Variants in ATRX observed in about 807,000 individuals in gnomAD.
The protein encoded by ATRX is ATRX chromatin remodeler, also known as chromatin remodeler ATRX.
A neutral mutation model predicts 172.6 loss-of-function variants in ATRX; 12 were observed. That is an observed-to-expected ratio of 0.07 (90% confidence interval 0.04 to 0.11). The LOEUF is 0.11. Among genes scored for constraint, ATRX ranks in the 10% least tolerant of loss-of-function variants. ATRX has a pLI of 1.00. For missense variants in ATRX, 1,368 were observed against 1,767.4 expected, an observed-to-expected ratio of 0.77 and a Z score of 4.05; for synonymous variants, 674 against 594.7, an observed-to-expected ratio of 1.13 and a Z score of -1.94.
intron 1 of ATRX, among the ~76,000 whole-genome samples, chrX:77,780,993 AG>A (rs1216385068): frequency 9.0e-6 from 1 of 111,114 alleles, no homozygotes; most frequent in Non-Finnish European, 1.9e-5. Context: ...CAAATGACAA[AG>A]CAGAAGCCTG....
intron 1 of ATRX, among the ~76,000 whole-genome samples, chrX:77,736,362 T>C (rs782465047): frequency 8.9e-6 from 1 of 111,955 alleles, no homozygotes; most frequent in South Asian, 3.7e-4. Context: ...CTCAAACAAC[T>C]CTACAGAATA....
intron 2 of ATRX, 91 bp downstream of exon 2, chrX:77,717,040 C>T (rs2073471716): frequency 5.3e-6 from 4 of 755,139 alleles, no homozygotes; most frequent in Non-Finnish European, 7.8e-6. Context: ...TTAAAAGCTG[C>T]TCTCTGAATA....
In ATRX at chrX:77,729,323, T is replaced by G. The variant is rs143909228; in HGVS notation, c.21-12080A>C. The stretch of plus-strand genomic sequence containing the variant: ...TATGAAGTATGATGACAATTATGTT[T>G]AAAATTGCATTAAAATATTGCTAAT... On this transcript the variant is annotated intron_variant, in intron 1 of 34. Transcript: ENST00000373344. Among the ~76,000 whole-genome samples, 479 of 111,501 alleles carry G rather than the reference T, an allele frequency of 4.3e-3. 2 individuals are homozygous for G. The highest frequency in any genetic ancestry group is 0.015 in the African/African-American group (453 of 30,777).
chrX:77,602,289 C>T (rs2066709233), intron 22 of ATRX, among the ~76,000 whole-genome samples: 1 of 111,474 alleles, frequency 9.0e-6, no homozygotes, highest in South Asian at 3.7e-4. Context: ...GATTAATAGG[C>T]ATGACCCACT....
intron 33 of ATRX, 108 bp downstream of exon 33, chrX:77,521,295 T>C (rs782550724): frequency 3.0e-5 from 19 of 625,872 alleles, no homozygotes; most frequent in Middle Eastern, 4.0e-4. Context: ...TATTTTACTA[T>C]TGCAAATCAA....
At chrX:77,664,245 AT>A (rs1361640613) in intron 11 of ATRX, among the ~76,000 whole-genome samples, 2 of 111,158 alleles carry the variant, frequency 1.8e-5, no homozygotes, top group Admixed American at 9.5e-5. Flanking sequence ...GTATTAAGAG[AT>A]TTTTTTTCTT....
chrX:77,777,123 G>A (rs1044067933), intron 1 of ATRX, among the ~76,000 whole-genome samples: 2 of 100,647 alleles, frequency 2.0e-5, no homozygotes, highest in Non-Finnish European at 3.9e-5. Flanking sequence ...GGAGGCCAAG[G>A]CAGGCGGATC....
chrX:77,568,113 T>C (rs1185767648), intron 28 of ATRX, among the ~76,000 whole-genome samples: 3 of 88,832 alleles, frequency 3.4e-5, no homozygotes, highest in Non-Finnish European at 6.8e-5. Flanking sequence ...CTCCAGAAAG[T>C]AGAACAAGAG....
intron 1 of ATRX, among the ~76,000 whole-genome samples, chrX:77,751,412 G>A (rs1557187544): frequency 8.9e-6 from 1 of 112,034 alleles, no homozygotes; most frequent in Non-Finnish European, 1.9e-5. Context: ...TGTAGATTCT[G>A]GATATTAGCC....
Position 77,682,451 on chromosome X carries a change from T to C in ATRX, c.2805A>G (p.Glu935=). The change falls in exon 9 of 35, where the codon GAA becomes GAG. Residue 935 remains glutamate, a synonymous_variant. Coordinates refer to ENST00000373344, the MANE Select transcript of ATRX (RefSeq NM_000489.6). ...CTTTAGTTTCAGCAACTTTTCTAAC[T>C]TCCAAAGAAGTAAAACTCTCCTCTT... The part of the protein sequence containing the change: ...SGKEESFTSL[E]VRKVAETKEK... 1.7e-6 allele frequency: 2 copies of C among 1,211,383 alleles called. No individual in the cohort carries two copies. Among genetic ancestry groups the C allele is most frequent in the Middle Eastern group, 2.3e-4 (1 of 4,352 alleles).
At chrX:77,727,915 G>C (rs1557174040) in intron 1 of ATRX, 1 of 111,834 alleles carries the variant, frequency 8.9e-6, no homozygotes, top group African/African-American at 3.2e-5. Context: ...AACAGATTAT[G>C]GCAGAAAAAC....
intron 30 of ATRX, among the ~76,000 whole-genome samples, chrX:77,528,564 C>T (rs782244069): frequency 7.1e-5 from 5 of 70,871 alleles, no homozygotes; most frequent in Admixed American, 1.8e-4. Context: ...AGTAGGGTGG[C>T]GTGATTGTTA....
chrX:77,573,489 T>G (rs1485561497), intron 28 of ATRX, among the ~76,000 whole-genome samples: 3 of 111,777 alleles, frequency 2.7e-5, no homozygotes, highest in Non-Finnish European at 5.7e-5. Context: ...TAAAACAATA[T>G]CAATACACAC....
intron 27 of ATRX, among the ~76,000 whole-genome samples, chrX:77,576,043 T>G (rs1037147513): frequency 4.5e-5 from 5 of 111,349 alleles, no homozygotes; most frequent in African/African-American, 1.6e-4. Flanking sequence ...GTAGTGGTAA[T>G]AGCAGTAACT....
chrX:77,588,069 A>G (rs2066097232), intron 27 of ATRX, among the ~76,000 whole-genome samples: 3 of 112,481 alleles, frequency 2.7e-5, no homozygotes, highest in Admixed American at 1.9e-4. Context: ...GTATTAGCAC[A>G]GCGACTGACA....
chrX:77,532,803 T>A (rs1235488398), intron 30 of ATRX, among the ~76,000 whole-genome samples: 5 of 111,944 alleles, frequency 4.5e-5, no homozygotes, highest in African/African-American at 1.6e-4. Context: ...GGGATCTAAT[T>A]AAACTAAAAA....
intron 1 of ATRX, 29 bp downstream of exon 1, chrX:77,785,953 G>A (rs1557207549): frequency 2.5e-6 from 3 of 1,184,802 alleles, no homozygotes; most frequent in African/African-American, 3.5e-5. Flanking sequence ...CCAGACCGCT[G>A]GGGCCCATGA....
chrX:77,631,310 T>C (rs1602967028), intron 19 of ATRX, among the ~76,000 whole-genome samples: 1 of 111,075 alleles, frequency 9.0e-6, no homozygotes, highest in Non-Finnish European at 1.9e-5. Flanking sequence ...TAAGAAAAGA[T>C]AATTTTTTCT....
In ATRX at chrX:77,752,546, G is replaced by A. The variant is rs1268812869; in HGVS notation, c.20+33436C>T. Among the ~76,000 whole-genome samples the A allele has an allele frequency of 1.8e-4, 20 of 111,976 alleles. 1 individual carries two copies. In the Admixed American group the frequency reaches 1.9e-3, roughly 11 times the overall value. On this transcript the variant is annotated intron_variant, in intron 1 of 34. Coordinates refer to ENST00000373344, the MANE Select transcript of ATRX (RefSeq NM_000489.6). Reference sequence around the variant, plus strand: ...AGAGAGGGCATCCTTGTCTTGTGCTGGTTTTCAAAAGGAATGCTTCCAACT... The same window carrying A: ...AGAGAGGGCATCCTTGTCTTGTGCTAGTTTTCAAAAGGAATGCTTCCAACT...
Sources: allele counts gnomAD v4.1 joint callset (sites outside exome capture counted in the v4.1 genomes callset), GRCh38; gene constraint gnomAD v4.1.1; transcripts MANE v1.5; gene names NCBI Gene and HGNC (gene_info 2026-07-23, HGNC 2026-07-21).